TNS3: variants seen among roughly 807,000 people sequenced by gnomAD.
TNS3 encodes tensin 3.
TNS3 carries 45 observed loss-of-function variants against 140.9 expected under a neutral mutation model. That is an observed-to-expected ratio of 0.32 (90% CI 0.25 to 0.41). TNS3 has a LOEUF of 0.41. Among genes scored for constraint, TNS3 ranks in the 10% least tolerant of loss-of-function variants. The pLI, the probability that TNS3 is intolerant of heterozygous loss-of-function variation, is 1.00. For synonymous variants in TNS3, 815 were observed against 788.4 expected, an observed-to-expected ratio of 1.03 and a Z score of -0.56; for missense variants, 1,716 against 1,906.7, an observed-to-expected ratio of 0.90 and a Z score of 1.86.
intron 1 of TNS3, among the ~76,000 whole-genome samples, chr7:47,548,268 G>GT (rs1210519325): frequency 6.6e-6 from 1 of 152,092 alleles, no homozygotes; most frequent in African/African-American, 2.4e-5. Context: ...ACAGCCTGCT[G>GT]TAACACATCC....
intron 3 of TNS3, among the ~76,000 whole-genome samples, chr7:47,490,986 G>C (rs1016769186): frequency 2.0e-5 from 3 of 152,170 alleles, no homozygotes; most frequent in Admixed American, 6.5e-5. Flanking sequence ...ATCAGCACTT[G>C]AAAAAGCCAA....
At chr7:47,470,574 A>T in intron 4 of TNS3, 1 of 985,460 alleles carries the variant, frequency 1.0e-6, no homozygotes, top group Non-Finnish European at 1.2e-6. Context: ...TGGTGCGTCC[A>T]GCCCTGACCT....
At chr7:47,409,507 C>A (rs868104691) in intron 13 of TNS3, among the ~76,000 whole-genome samples, 6 of 152,134 alleles carry the variant, frequency 3.9e-5, no homozygotes, top group Admixed American at 1.3e-4. Context: ...GGGACGGAGC[C>A]GTGGGGCAAT....
chr7:47,305,527 C>G (rs1023300646), intron 20 of TNS3, among the ~76,000 whole-genome samples: 1 of 152,254 alleles, frequency 6.6e-6, no homozygotes, highest in South Asian at 2.1e-4. Context: ...ACCCTCCCCC[C>G]AGCTGGTAAC....
At chr7:47,401,691 G>A (rs969006860) in intron 13 of TNS3, among the ~76,000 whole-genome samples, 1 of 152,228 alleles carries the variant, frequency 6.6e-6, no homozygotes, top group African/African-American at 2.4e-5. Context: ...GTCCTGACCT[G>A]CCTGTATAAC....
At chr7:47,342,749 G>A (rs1789092236) in intron 20 of TNS3, among the ~76,000 whole-genome samples, 2 of 152,222 alleles carry the variant, frequency 1.3e-5, no homozygotes, top group African/African-American at 4.8e-5. Flanking sequence ...CCCATAGAAT[G>A]TGACTGTGAA....
intron 1 of TNS3, among the ~76,000 whole-genome samples, chr7:47,531,406 CA>C (rs919351679): frequency 5.9e-5 from 9 of 151,548 alleles, no homozygotes; most frequent in Non-Finnish European, 7.4e-5. Context: ...AATTAAAGCC[CA>C]AAAAAAATCA....
chr7:47,524,808 C>CAAAAAAAAACAAA (rs1354544006), intron 2 of TNS3, among the ~76,000 whole-genome samples: 1 of 25,266 alleles, frequency 4.0e-5, no homozygotes, highest in African/African-American at 8.7e-5. Flanking sequence ...GACTCCGTCT[C>CAAAAAAAAACAAA]AAGAAAAAAA....
At chr7:47,527,844 C>A (rs1199738721) in intron 2 of TNS3, among the ~76,000 whole-genome samples, 1 of 151,502 alleles carries the variant, frequency 6.6e-6, no homozygotes, top group Non-Finnish European at 1.5e-5. Context: ...GAGGTCAAGG[C>A]TGCAGTGAGC....
At chr7:47,290,259 AG>A (rs1422655897) in intron 27 of TNS3, among the ~76,000 whole-genome samples, 4 of 152,244 alleles carry the variant, frequency 2.6e-5, no homozygotes, top group Non-Finnish European at 4.4e-5. Context: ...ACAGACTTAA[AG>A]GTAAAATTTG....
intron 2 of TNS3, among the ~76,000 whole-genome samples, chr7:47,514,719 G>C (rs1798723034): frequency 6.6e-6 from 1 of 152,032 alleles, no homozygotes; most frequent in Non-Finnish European, 1.5e-5. Flanking sequence ...TTAGATCCCA[G>C]AAAACCATCT....
chr7:47,477,853 C>T (rs753004688), intron 4 of TNS3, among the ~76,000 whole-genome samples: 36 of 152,208 alleles, frequency 2.4e-4, no homozygotes, highest in Non-Finnish European at 5.1e-4. Flanking sequence ...TGCCCAAGCT[C>T]CGCTAAATGG....
At chr7:47,444,563 AC>A (rs1169503665) in intron 4 of TNS3, among the ~76,000 whole-genome samples, 13 of 152,148 alleles carry the variant, frequency 8.5e-5, no homozygotes, top group Admixed American at 3.3e-4. Flanking sequence ...CGGGGCCCTG[AC>A]GGCAGGAGGG....
chr7:47,355,461 A>G (rs1459186926), intron 17 of TNS3, among the ~76,000 whole-genome samples: 1 of 152,172 alleles, frequency 6.6e-6, no homozygotes, highest in Non-Finnish European at 1.5e-5. Context: ...CATCGCCGTC[A>G]GAGCCCTGGA....
At chr7:47,362,684 CT>C (rs1790403768) in intron 17 of TNS3, among the ~76,000 whole-genome samples, 1 of 152,064 alleles carries the variant, frequency 6.6e-6, no homozygotes, top group South Asian at 2.1e-4. Flanking sequence ...AGTAACAGTT[CT>C]TACTATTACC....
chr7:47,368,732 G>T lies in TNS3; in HGVS notation c.1914C>A (p.Ser638Arg). 1 of 1,579,350 alleles carries T rather than the reference G, an allele frequency of 6.3e-7. No individual in the cohort carries two copies. The highest frequency in any genetic ancestry group is 8.6e-7 in the Non-Finnish European group (1 of 1,162,196). ...RVPLTPTRGT[S>R]SRVAVQRGVG... ...CACCCCTCTGGACAGCCACCCTACT[G>T]CTGGTCCCTCGGGTGGGGGTGAGTG... The change falls in exon 17 of 31, where the codon AGC (serine) becomes AGA (arginine). Residue 638 changes from serine to arginine, a missense_variant. Ser to Arg is a moderately radical substitution (Grantham distance 110). Coordinates refer to ENST00000311160, the MANE Select transcript of TNS3 (RefSeq NM_022748.12).
intron 13 of TNS3, among the ~76,000 whole-genome samples, chr7:47,404,884 AAAAAATAAAAATAAAAAT>A (rs558636557): frequency 6.6e-6 from 1 of 151,980 alleles, no homozygotes; most frequent in Non-Finnish European, 1.5e-5. Flanking sequence ...ACTCAGTCTC[AAAAAATAAAAATAAAAAT>A]AAAAATAAAA....
intron 1 of TNS3, among the ~76,000 whole-genome samples, chr7:47,544,801 C>T (rs1166529691): frequency 2.0e-5 from 3 of 152,058 alleles, no homozygotes; most frequent in African/African-American, 7.2e-5. Context: ...AAATGAGCTG[C>T]CCCACCTATT....
chr7:47,311,748 TATTGGAAAATATACATACTGAG>T (rs1259503319), intron 20 of TNS3, among the ~76,000 whole-genome samples: 2 of 152,178 alleles, frequency 1.3e-5, no homozygotes, highest in East Asian at 3.9e-4. Flanking sequence ...GCAGAGGCAA[TATTGGAAAATATACATACTGAG>T]AATTTCCTAA....
Sources: allele counts gnomAD v4.1 joint callset (sites outside exome capture counted in the v4.1 genomes callset), GRCh38; gene constraint gnomAD v4.1.1; transcripts MANE v1.5; gene names NCBI Gene and HGNC (gene_info 2026-07-23, HGNC 2026-07-21).